DNM3: variants seen among roughly 807,000 people sequenced by gnomAD.
DNM3 encodes dynamin 3.
DNM3 carries 47 observed loss-of-function variants against 101.6 expected under a neutral mutation model. The observed-to-expected ratio is 0.46, with a 90% CI of 0.37 to 0.59. The LOEUF is 0.59. DNM3 is among the 20% of genes least tolerant of loss of function. The probability of loss-of-function intolerance (pLI) is 0.00; values close to 1 mark genes in which losing one functional copy is unlikely to be tolerated. For synonymous variants in DNM3, 385 were observed against 387.9 expected (o/e 0.99, Z 0.09); for missense variants, 849 against 1,085.7 (o/e 0.78, Z 3.06).
chr1:171,910,264 G>C (rs2039186356), intron 1 of DNM3, among the ~76,000 whole-genome samples: 1 of 152,178 alleles, frequency 6.6e-6, no homozygotes, highest in Non-Finnish European at 1.5e-5. Context: ...GTTACCCATG[G>C]TCAATTGCGG....
chr1:172,183,446 A>G (rs1369169587), intron 14 of DNM3, among the ~76,000 whole-genome samples: 1 of 152,148 alleles, frequency 6.6e-6, no homozygotes, highest in African/African-American at 2.4e-5. Context: ...TACCAGTATA[A>G]GGAAAATACA....
At chr1:171,853,192 C>G (rs572032497) in intron 1 of DNM3, among the ~76,000 whole-genome samples, 5 of 151,916 alleles carry the variant, frequency 3.3e-5, no homozygotes, top group Admixed American at 3.3e-4. Context: ...GAGACAGGCT[C>G]TAGCTCTGTC....
At chr1:172,314,429 C>T (rs935331074) in intron 16 of DNM3, among the ~76,000 whole-genome samples, 5 of 152,138 alleles carry the variant, frequency 3.3e-5, no homozygotes, top group Admixed American at 6.5e-5. Context: ...CGAAGCAGGG[C>T]GAGGCATTGC....
chr1:172,124,846 G>A (rs1222862700), intron 13 of DNM3, among the ~76,000 whole-genome samples: 1 of 152,150 alleles, frequency 6.6e-6, no homozygotes, highest in Non-Finnish European at 1.5e-5. Context: ...AGGAAATCTA[G>A]TTCACCTCTC....
chr1:172,311,358 A>G (rs1186628378), intron 16 of DNM3: 1 of 151,220 alleles, frequency 6.6e-6, no homozygotes, highest in Non-Finnish European at 1.5e-5. Context: ...CTTAACATGC[A>G]ACTATAATGT....
chr1:172,136,439 C>T (rs1229919475), intron 14 of DNM3: 1 of 152,054 alleles, frequency 6.6e-6, no homozygotes, highest in Non-Finnish European at 1.5e-5. Context: ...AGGTCAGCGT[C>T]GACCCTGTGA....
intron 14 of DNM3, among the ~76,000 whole-genome samples, chr1:172,181,888 C>T (rs2059360970): frequency 6.6e-6 from 1 of 150,944 alleles, no homozygotes; most frequent in South Asian, 2.1e-4. Flanking sequence ...CAAGGCCAGG[C>T]TGGCCATAAT....
intron 10 of DNM3, among the ~76,000 whole-genome samples, chr1:172,065,631 G>A (rs377059927): frequency 3.9e-5 from 6 of 152,114 alleles, no homozygotes; most frequent in African/African-American, 1.4e-4. Context: ...TGTATCTTGC[G>A]GTAATTCATG....
At chr1:172,311,295 T>C (rs953002248) in intron 16 of DNM3, 3 of 150,942 alleles carry the variant, frequency 2.0e-5, no homozygotes, top group Admixed American at 6.6e-5. Flanking sequence ...TATGCTTGTA[T>C]GCTTGGTTAT....
In DNM3 at chr1:172,412,559, G is replaced by A; in HGVS notation, c.*4718G>A. ...CCGGATACTTTCCACTGTCTTCTTG[G>A]CACTTTCAGGATTTCTTAATGCTGA... On this transcript the variant is annotated 3_prime_UTR_variant, in exon 21 of 21. Coordinates refer to ENST00000627582, the MANE Select transcript of DNM3 (RefSeq NM_015569.5). The A allele has an allele frequency of 1.0e-6, 1 of 985,628 alleles. No individual in the cohort carries two copies. Among genetic ancestry groups the A allele is most frequent in the Non-Finnish European group, 1.2e-6 (1 of 829,850 alleles). The allele number at this position is 985,628 out of a possible 1,614,324, so 61.1% of individuals were successfully genotyped here.
chr1:172,158,846 T>G (rs1329739650), intron 14 of DNM3, among the ~76,000 whole-genome samples: 2 of 152,114 alleles, frequency 1.3e-5, no homozygotes, highest in Non-Finnish European at 2.9e-5. Flanking sequence ...CTCTACTATG[T>G]GAGCTACAGT....
chr1:172,097,928 A>AG (rs202216939), intron 13 of DNM3, among the ~76,000 whole-genome samples: 5,463 of 152,184 alleles, frequency 0.036, 227 homozygotes, highest in East Asian at 0.13. Flanking sequence ...GATTTTCAAA[A>AG]GGGAGGGAGT....
intron 14 of DNM3, among the ~76,000 whole-genome samples, chr1:172,235,524 C>T (rs2148626751): frequency 6.6e-6 from 1 of 152,232 alleles, no homozygotes; most frequent in South Asian, 2.1e-4. Flanking sequence ...ATAAGTCATG[C>T]TGCTGTAAAG....
chr1:172,040,880 T>C (rs2049330601), intron 7 of DNM3, among the ~76,000 whole-genome samples: 1 of 151,978 alleles, frequency 6.6e-6, no homozygotes, highest in South Asian at 2.1e-4. Context: ...CATGGTGCAT[T>C]TGGGGAACTG....
At chr1:172,254,243 A>G (rs1328318255) in intron 15 of DNM3, among the ~76,000 whole-genome samples, 2 of 152,164 alleles carry the variant, frequency 1.3e-5, no homozygotes, top group East Asian at 1.9e-4. Flanking sequence ...TCTTAAAGCT[A>G]CATTTTGTTA....
Position 172,132,331 on chromosome 1 carries a change from G to T in DNM3, c.1659+1043G>T, listed in dbSNP as rs542157332. Among the ~76,000 whole-genome samples the T allele has an allele frequency of 3.9e-5, 6 of 152,230 alleles. No individual in the cohort carries two copies. In the South Asian group the frequency reaches 1.0e-3, roughly 26 times the overall value. On this transcript the variant is annotated intron_variant, in intron 14 of 20. Transcript: ENST00000627582. ...GTGTGTTGAAAAATATTGGATAATT[G>T]GTTGATTGCCACTAAACTTTCTGCA...
intron 16 of DNM3, among the ~76,000 whole-genome samples, chr1:172,314,806 G>T (rs886182691): frequency 6.6e-6 from 1 of 152,194 alleles, no homozygotes; most frequent in Non-Finnish European, 1.5e-5. Flanking sequence ...CACCTCTGGG[G>T]GCAGGGCACA....
rs2067600295 is a variant in DNM3 at position 172,359,125 on chromosome 1, A to ACACACACAC, written c.1894-19893_1894-19892insCACACACAC. On this transcript the variant is annotated intron_variant, in intron 17 of 20. Coordinates refer to ENST00000627582, the MANE Select transcript of DNM3 (RefSeq NM_015569.5). ...ATGGGCATCTGAACAACTCCCACAA[A>ACACACACAC]ACACACACACACACACACACACACA... Among the ~76,000 whole-genome samples the ACACACACAC allele has an allele frequency of 8.2e-5, 12 of 145,818 alleles. No individual in the cohort carries two copies. The East Asian group carries it at 2.4e-3, about 29-fold the overall frequency.
At chr1:172,388,924 C>A in intron 20 of DNM3, 115 bp downstream of exon 20, 1 of 889,876 alleles carries the variant, frequency 1.1e-6, no homozygotes, top group Non-Finnish European at 1.7e-6. Flanking sequence ...TACGTGTTTG[C>A]AGTTTTCACA....
Sources: allele counts gnomAD v4.1 joint callset (sites outside exome capture counted in the v4.1 genomes callset), GRCh38; gene constraint gnomAD v4.1.1; transcripts MANE v1.5; gene names NCBI Gene and HGNC (gene_info 2026-07-23, HGNC 2026-07-21).